Variants in ZNF804B observed in about 807,000 individuals in gnomAD.
ZNF804B encodes the protein zinc finger protein 804B, also known as zinc finger 804B.
Under a neutral mutation model 101.4 loss-of-function variants are expected in ZNF804B, and 80 were observed. The observed-to-expected ratio is 0.79, with a 90% confidence interval of 0.66 to 0.95. The LOEUF (loss-of-function observed/expected upper bound fraction) is 0.95. Among genes scored for constraint, ZNF804B ranks in the 40% least tolerant of loss-of-function variants. The pLI, the probability that ZNF804B is intolerant of heterozygous loss-of-function variation, is 0.00. For synonymous variants in ZNF804B, 622 were observed against 558.8 expected (o/e 1.11, Z -1.59); for missense variants, 1,673 against 1,561.9 (o/e 1.07, Z -1.20).
chr7:89,178,862 T>C lies in ZNF804B; in HGVS notation c.109-39293T>C, dbSNP rs371720447. On this transcript the variant is annotated intron_variant, in intron 1 of 3. Coordinates refer to ENST00000333190, the MANE Select transcript of ZNF804B (RefSeq NM_181646.5). ...TCCTGCAGAACAGGTCTCCTGTTTA[T>C]AAAATCCTTCACCTTTTGTTCGTCT... Among the ~76,000 whole-genome samples, 4 of 152,304 alleles carry C rather than the reference T, an allele frequency of 2.6e-5. No homozygotes were observed. The East Asian group carries it at 5.8e-4, about 22-fold the overall frequency.
chr7:89,094,153 A>T (rs1294096080), intron 1 of ZNF804B, among the ~76,000 whole-genome samples: 1 of 152,246 alleles, frequency 6.6e-6, no homozygotes, highest in African/African-American at 2.4e-5. Context: ...ATTGAATTGT[A>T]GATATCATTC....
At chr7:88,941,978 A>G (rs961393152) in intron 1 of ZNF804B, among the ~76,000 whole-genome samples, 18 of 151,932 alleles carry the variant, frequency 1.2e-4, no homozygotes, top group African/African-American at 3.1e-4. Context: ...TGTTTATTTT[A>G]TAGACAATAT....
chr7:88,774,852 G>A (rs1185392228), intron 1 of ZNF804B, among the ~76,000 whole-genome samples: 1 of 152,220 alleles, frequency 6.6e-6, no homozygotes, highest in Non-Finnish European at 1.5e-5. Context: ...AAGGGCACTG[G>A]ATGGAAGAGC....
intron 1 of ZNF804B, among the ~76,000 whole-genome samples, chr7:89,194,624 G>A: frequency 6.6e-6 from 1 of 151,386 alleles, no homozygotes. Context: ...GATAGTTGTA[G>A]ATATGCGGTG....
chr7:89,218,646 C>T (rs1306653719), intron 2 of ZNF804B, among the ~76,000 whole-genome samples: 3 of 151,804 alleles, frequency 2.0e-5, no homozygotes, highest in South Asian at 2.1e-4. Context: ...TTTTTAATTC[C>T]CTCAGAAATT....
At chr7:89,310,271 A>G (rs1790631521) in intron 2 of ZNF804B, among the ~76,000 whole-genome samples, 1 of 152,164 alleles carries the variant, frequency 6.6e-6, no homozygotes. Flanking sequence ...AGGTGTAAGT[A>G]TCATGGTGTG....
intron 1 of ZNF804B, among the ~76,000 whole-genome samples, chr7:88,765,904 C>T (rs1296898291): frequency 2.7e-5 from 4 of 145,572 alleles, no homozygotes; most frequent in Non-Finnish European, 6.0e-5. Flanking sequence ...AAGTACTAAA[C>T]TTGGAAGGAA....
At chr7:89,021,952 C>T (rs573913071) in intron 1 of ZNF804B, among the ~76,000 whole-genome samples, 1 of 152,286 alleles carries the variant, frequency 6.6e-6, no homozygotes, top group South Asian at 2.1e-4. Context: ...CCTGGCAGCT[C>T]TCTAAACTGG....
At chr7:89,140,815 A>G (rs1357670682) in intron 1 of ZNF804B, among the ~76,000 whole-genome samples, 1 of 151,850 alleles carries the variant, frequency 6.6e-6, no homozygotes, top group African/African-American at 2.4e-5. Context: ...TTGTAGGAGA[A>G]CTTTTAATTT....
chr7:89,128,931 G>A (rs1012802384), intron 1 of ZNF804B, among the ~76,000 whole-genome samples: 7 of 151,868 alleles, frequency 4.6e-5, no homozygotes, highest in Non-Finnish European at 7.4e-5. Flanking sequence ...AAGCATTCAC[G>A]TTCATGTTTG....
intron 1 of ZNF804B, among the ~76,000 whole-genome samples, chr7:88,992,402 A>G (rs1434616645): frequency 6.6e-6 from 1 of 152,124 alleles, no homozygotes; most frequent in Non-Finnish European, 1.5e-5. Context: ...GTTGCTTAAC[A>G]AATCACTGTG....
At chr7:88,911,849 G>T (rs1200214316) in intron 1 of ZNF804B, among the ~76,000 whole-genome samples, 1 of 150,232 alleles carries the variant, frequency 6.7e-6, no homozygotes, top group Non-Finnish European at 1.5e-5. Context: ...TAGTTTTTCT[G>T]GTTATTTATA....
intron 1 of ZNF804B, among the ~76,000 whole-genome samples, chr7:88,978,130 C>G (rs748827222): frequency 2.6e-5 from 4 of 151,616 alleles, no homozygotes; most frequent in Non-Finnish European, 5.9e-5. Flanking sequence ...AATGTTAAAG[C>G]CTTTTTTTGT....
intron 1 of ZNF804B, among the ~76,000 whole-genome samples, chr7:88,813,133 A>G (rs1017245137): frequency 2.6e-5 from 4 of 152,116 alleles, no homozygotes; most frequent in African/African-American, 4.8e-5. Context: ...TAAATCTTAT[A>G]TAGAGTTTTA....
At chr7:89,138,330 C>T (rs975056496) in intron 1 of ZNF804B, among the ~76,000 whole-genome samples, 3 of 152,014 alleles carry the variant, frequency 2.0e-5, no homozygotes, top group Non-Finnish European at 4.4e-5. Flanking sequence ...CTTGCTTCAG[C>T]GTGACCTGGA....
chr7:89,259,029 C>G (rs1184736890), intron 2 of ZNF804B, among the ~76,000 whole-genome samples: 3 of 151,980 alleles, frequency 2.0e-5, no homozygotes, highest in Non-Finnish European at 1.5e-5. Context: ...AGTTACCAAT[C>G]CTTTCTCCAA....
chr7:88,900,358 T>C (rs1792369990), intron 1 of ZNF804B, among the ~76,000 whole-genome samples: 1 of 151,842 alleles, frequency 6.6e-6, no homozygotes, highest in Non-Finnish European at 1.5e-5. Context: ...ACTATGGATA[T>C]TGCATTCCTA....
chr7:88,975,884 C>T (rs1793609514), intron 1 of ZNF804B, among the ~76,000 whole-genome samples: 1 of 151,464 alleles, frequency 6.6e-6, no homozygotes, highest in African/African-American at 2.4e-5. Context: ...CCCAATGTTT[C>T]CTTTTAGTAG....
chr7:88,952,517 AG>A (rs1439276879), intron 1 of ZNF804B, among the ~76,000 whole-genome samples: 2 of 151,782 alleles, frequency 1.3e-5, no homozygotes, highest in Admixed American at 1.3e-4. Flanking sequence ...TTTATGTTTT[AG>A]TACTTTGATA....
Sources: gnomAD v4.1 joint callset for allele counts (sites outside exome capture counted in the v4.1 genomes callset) on GRCh38, gnomAD v4.1.1 for gene constraint, MANE v1.5 for transcripts, NCBI Gene and HGNC (gene_info 2026-07-23, HGNC 2026-07-21) for gene names.